TMEM67: variants seen among roughly 807,000 people sequenced by gnomAD.
The protein encoded by TMEM67 is transmembrane protein 67, also known as meckelin.
In TMEM67, 124 loss-of-function variants were observed where a neutral mutation model predicts 136.6. The observed-to-expected ratio is 0.91, with a 90% CI of 0.78 to 1.05. TMEM67 has a LOEUF of 1.05. TMEM67 is among the 50% of genes least tolerant of loss of function. The probability of loss-of-function intolerance (pLI) is 0.00; values close to 1 mark genes in which losing one functional copy is unlikely to be tolerated. For synonymous variants in TMEM67, 364 were observed against 390.5 expected (o/e 0.93, Z 0.80); for missense variants, 1,107 against 1,178.4 (o/e 0.94, Z 0.89).
intron 26 of TMEM67, among the ~76,000 whole-genome samples, chr8:93,815,092 G>C (rs1808854385): frequency 6.6e-6 from 1 of 152,110 alleles, no homozygotes; most frequent in Non-Finnish European, 1.5e-5. Flanking sequence ...TGTTAAAACT[G>C]CTTTTTAGAA....
the TMEM67 span, among the ~76,000 whole-genome samples, chr8:93,825,572 G>A: frequency 6.6e-6 from 1 of 152,258 alleles, no homozygotes; most frequent in South Asian, 2.1e-4. Flanking sequence ...GAAGGAACTG[G>A]AGAAAAAATT....
At chr8:93,797,853 A>T (rs924249270) in intron 20 of TMEM67, among the ~76,000 whole-genome samples, 1 of 152,162 alleles carries the variant, frequency 6.6e-6, no homozygotes, top group Non-Finnish European at 1.5e-5. Flanking sequence ...ATGGCGGCAC[A>T]TGCCTATAAT....
chr8:93,783,480 ATCT>A (rs1813942675), intron 11 of TMEM67, among the ~76,000 whole-genome samples: 1 of 152,152 alleles, frequency 6.6e-6, no homozygotes, highest in Non-Finnish European at 1.5e-5. Flanking sequence ...TAATTCCTTC[ATCT>A]TCTTCCATTC....
rs1188649369 is a variant in TMEM67 at position 93,755,071 on chromosome 8, C to G, written c.157C>G (p.Gln53Glu). 1.2e-6 allele frequency: 2 copies of G among 1,614,178 alleles called. No individual in the cohort carries two copies. Among genetic ancestry groups the G allele is most frequent in the Non-Finnish European group, 1.7e-6 (2 of 1,180,036 alleles). Residue 53 changes from glutamine (Q) to glutamate (E), a missense_variant, in exon 1 of 28, where the codon CAG becomes GAG. Around this residue, in one of 3 missense-constraint regions of TMEM67, gnomAD observed 178 missense variants for 159.2 expected, o/e 1.12. Transcript: ENST00000453321. ...GCAGCCGGAGAAGTGCGACAACAAC[C>G]AGTACTTTGATATCTCCGCCCTCTC... ...FQQPEKCDNN[Q>E]YFDISALSCV...
the TMEM67 span, among the ~76,000 whole-genome samples, chr8:93,824,260 T>C: frequency 6.6e-6 from 1 of 152,252 alleles, no homozygotes; most frequent in Non-Finnish European, 1.5e-5. Flanking sequence ...TGATTTTTGA[T>C]ATTTTAATAA....
At chr8:93,757,451 T>C (rs1812628236) in intron 2 of TMEM67, among the ~76,000 whole-genome samples, 2 of 151,890 alleles carry the variant, frequency 1.3e-5, no homozygotes, top group African/African-American at 2.4e-5. Context: ...TCCTGGCAAA[T>C]GTGGTGAAAC....
At chr8:93,795,257 G>C (rs1412095745) in intron 16 of TMEM67, 152 bp from the exon 17 acceptor site, 20 of 711,534 alleles carry the variant, frequency 2.8e-5, no homozygotes, top group South Asian at 2.7e-4. Context: ...GGAGGAAGCA[G>C]GTGGTCTTTA....
chr8:93,827,579 C>CTTT, the TMEM67 span, among the ~76,000 whole-genome samples: 395 of 136,476 alleles, frequency 2.9e-3, no homozygotes, highest in African/African-American at 9.0e-3. Context: ...TGTATTTTTT[C>CTTT]TTTTTTTTTT....
At chr8:93,799,346 T>G (rs1293507274) in intron 20 of TMEM67, among the ~76,000 whole-genome samples, 3 of 152,208 alleles carry the variant, frequency 2.0e-5, no homozygotes, top group South Asian at 2.1e-4. Flanking sequence ...AATTAAATTT[T>G]TAGTCTTGTC....
In TMEM67 at chr8:93,817,884, T is replaced by TA. The variant is rs1416703476; in HGVS notation, c.*1433dup. 1 of 152,194 alleles carries TA rather than the reference T, an allele frequency of 6.6e-6. No homozygotes were observed. Among genetic ancestry groups the TA allele is most frequent in the Admixed American group, 6.5e-5 (1 of 15,276 alleles). The allele number at this position is 152,194 out of a possible 1,614,324, so 9.4% of individuals were successfully genotyped here. A position where few individuals can be genotyped will look rare whatever the true frequency, so the allele number is the denominator to read the frequency against. The stretch of plus-strand genomic sequence containing the variant: ...AGCTGCAGAGATAAATACATGTACT[T>TA]ATATGGCATGGATATTTAAAACCAC... On this transcript the variant is annotated 3_prime_UTR_variant, in exon 28 of 28. Transcript: ENST00000453321.
downstream of TMEM67, among the ~76,000 whole-genome samples, chr8:93,821,457 T>A (rs919222585): frequency 6.6e-6 from 1 of 152,108 alleles, no homozygotes. Flanking sequence ...AATTTTAAAT[T>A]TTTTTGTAGA....
At chr8:93,798,205 T>C (rs1448475954) in intron 20 of TMEM67, among the ~76,000 whole-genome samples, 1 of 152,212 alleles carries the variant, frequency 6.6e-6, no homozygotes, top group Non-Finnish European at 1.5e-5. Context: ...AAGGAGTAGC[T>C]TTAAAACCAC....
At chr8:93,755,557 A>G (rs1019869554) in intron 1 of TMEM67, among the ~76,000 whole-genome samples, 2 of 152,102 alleles carry the variant, frequency 1.3e-5, no homozygotes, top group African/African-American at 4.8e-5. Flanking sequence ...GAGTTTAGTA[A>G]CTTGTTCAAG....
intron 26 of TMEM67, among the ~76,000 whole-genome samples, chr8:93,813,394 G>A (rs988382077): frequency 6.6e-6 from 1 of 152,074 alleles, no homozygotes; most frequent in East Asian, 1.9e-4. Context: ...GGCCAGGCTG[G>A]CCTCGAACTC....
At chr8:93,794,294 CA>C (rs1294222804) in intron 16 of TMEM67, among the ~76,000 whole-genome samples, 2 of 152,168 alleles carry the variant, frequency 1.3e-5, no homozygotes, top group Non-Finnish European at 2.9e-5. Flanking sequence ...ATCAAGATCA[CA>C]AAGATAGTCC....
intron 7 of TMEM67, among the ~76,000 whole-genome samples, chr8:93,776,302 G>A (rs1307246127): frequency 6.6e-6 from 1 of 152,142 alleles, no homozygotes; most frequent in East Asian, 1.9e-4. Context: ...TGCAAACAGG[G>A]ACAATTTCAC....
At chr8:93,818,997 G>T (rs1808997034), downstream of TMEM67, 1 of 426,154 alleles carries the variant, frequency 2.3e-6, no homozygotes, top group Non-Finnish European at 4.6e-6. Context: ...TAGAGACAAG[G>T]GTTCACCATG....
intron 23 of TMEM67, among the ~76,000 whole-genome samples, chr8:93,808,464 T>TATCTATGATAGATATTTATCTATAATAG (rs1554559286): frequency 1.7e-5 from 1 of 60,166 alleles, no homozygotes; most frequent in Non-Finnish European, 3.4e-5. Context: ...AATATATATT[T>TATCTATGATAGATATTTATCTATAATAG]ATCTATTATA....
Position 93,781,662 on chromosome 8 carries a change from C to A in TMEM67, c.983C>A (p.Thr328Lys). The A allele has an allele frequency of 6.3e-7, 1 of 1,583,504 alleles. No homozygotes were observed. Among genetic ancestry groups the A allele is most frequent in the Non-Finnish European group, 8.6e-7 (1 of 1,157,088 alleles). Reference sequence around the variant, plus strand: ...TTGCTCGTTTTCTTTAATCAGAATACAAAACTGAAGTTTGTTGCTGCTTCC... The same window carrying A: ...TTGCTCGTTTTCTTTAATCAGAATAAAAAACTGAAGTTTGTTGCTGCTTCC... ...NFSFKGENQN[T>K]KLKFVAASYD... The change falls in exon 10 of 28, where the codon ACA becomes AAA. Residue 328 changes from threonine (T) to lysine (K), a missense_variant. By Grantham distance (78) the Thr-to-Lys change is moderately conservative (BLOSUM62 -1). This residue lies in a region of TMEM67 where 925 missense variants were observed against 1,002.4 expected (regional missense o/e 0.92). Coordinates refer to ENST00000453321, the MANE Select transcript of TMEM67 (RefSeq NM_153704.6).
Sources: gnomAD v4.1 joint callset for allele counts (sites outside exome capture counted in the v4.1 genomes callset) on GRCh38, gnomAD v4.1.1 for gene constraint, gnomAD v4.1.1 regional missense constraint, MANE v1.5 for transcripts, NCBI Gene and HGNC (gene_info 2026-07-23, HGNC 2026-07-21) for gene names.